Variants in MMP26 observed in about 807,000 individuals in gnomAD.
The protein encoded by MMP26 is matrix metalloproteinase-26.
Under a neutral mutation model 31.0 loss-of-function variants are expected in MMP26, and 33 were observed. That is an observed-to-expected ratio of 1.06 (90% CI 0.81 to 1.42). MMP26 has a LOEUF of 1.42. MMP26 is among the 40% of genes most tolerant of loss of function. MMP26 has a pLI of 0.00. For missense variants in MMP26, 347 were observed against 316.1 expected (o/e 1.10, Z -0.74); for synonymous variants, 122 against 114.9 (o/e 1.06, Z -0.40).
chr11:4,944,090 A>T (rs1846257873), intron 2 of MMP26: 1 of 453,686 alleles, frequency 2.2e-6, no homozygotes, highest in African/African-American at 2.0e-5. Flanking sequence ...ACAACCCCAA[A>T]CCCATATCTG....
chr11:4,755,370 A>G (rs748646505), intron 1 of MMP26, among the ~76,000 whole-genome samples: 2 of 152,006 alleles, frequency 1.3e-5, no homozygotes, highest in African/African-American at 4.8e-5. Context: ...TCAAAATATC[A>G]GCCCACATTG....
At chr11:4,897,078 C>T (rs916034901) in intron 2 of MMP26, among the ~76,000 whole-genome samples, 5 of 151,772 alleles carry the variant, frequency 3.3e-5, no homozygotes, top group Admixed American at 3.3e-4. Flanking sequence ...ATGACCTATC[C>T]TTATATTTAA....
At chr11:4,872,769 C>T (rs1436610498) in intron 2 of MMP26, among the ~76,000 whole-genome samples, 2 of 152,036 alleles carry the variant, frequency 1.3e-5, no homozygotes, top group African/African-American at 4.8e-5. Context: ...GCCACTCCTT[C>T]TCCACCTTGA....
chr11:4,747,845 GA>G (rs780409684), intron 1 of MMP26, among the ~76,000 whole-genome samples: 4 of 151,856 alleles, frequency 2.6e-5, no homozygotes, highest in Admixed American at 6.6e-5. Flanking sequence ...TGCATCAAAA[GA>G]ATAGAAAGAT....
chr11:4,756,803 G>C (rs1213777619), intron 1 of MMP26: 1 of 145,946 alleles, frequency 6.9e-6, no homozygotes, highest in Admixed American at 6.8e-5. Flanking sequence ...CAAGTATAAT[G>C]TTAAAAAAAT....
chr11:4,819,496 A>C (rs981098214), intron 2 of MMP26, among the ~76,000 whole-genome samples: 6 of 151,326 alleles, frequency 4.0e-5, no homozygotes, highest in African/African-American at 1.5e-4. Context: ...GAGGGAGAGA[A>C]AATTTCCAGA....
chr11:4,910,353 T>C (rs189761743), intron 2 of MMP26, among the ~76,000 whole-genome samples: 52 of 152,260 alleles, frequency 3.4e-4, no homozygotes, highest in Non-Finnish European at 5.7e-4. Flanking sequence ...TCTTGGATAT[T>C]CTGCCTATGT....
At chr11:4,920,156 T>C (rs1434912028) in intron 2 of MMP26, among the ~76,000 whole-genome samples, 1 of 152,172 alleles carries the variant, frequency 6.6e-6, no homozygotes, top group Non-Finnish European at 1.5e-5. Flanking sequence ...TAGATTTCTG[T>C]CTTTATGGGA....
At chr11:4,728,307 A>G (rs953937150) in intron 1 of MMP26, among the ~76,000 whole-genome samples, 3 of 152,236 alleles carry the variant, frequency 2.0e-5, no homozygotes, top group Admixed American at 6.5e-5. Context: ...CATGATTTCC[A>G]TAGCTTTCCA....
intron 1 of MMP26, among the ~76,000 whole-genome samples, chr11:4,757,330 T>A (rs143552916): frequency 1.3e-3 from 200 of 152,022 alleles, no homozygotes; most frequent in Middle Eastern, 0.01. Context: ...AAAAACTAGC[T>A]CAAAATGGAT....
At chr11:4,726,042 C>G (rs1252219913) in intron 1 of MMP26, among the ~76,000 whole-genome samples, 1 of 152,118 alleles carries the variant, frequency 6.6e-6, no homozygotes, top group African/African-American at 2.4e-5. Context: ...AGCACATTCA[C>G]CAGACCAAAA....
chr11:4,973,450 T>C lies in MMP26; in HGVS notation c.-144-14618T>C, dbSNP rs142484036. 12 of 152,510 alleles carry C rather than the reference T, an allele frequency of 7.9e-5. No individual in the cohort carries two copies. The East Asian group carries it at 2.1e-3, about 27-fold the overall frequency. The allele number at this position is 152,510 out of a possible 1,614,324, so 9.4% of individuals were successfully genotyped here. A position where few individuals can be genotyped will look rare whatever the true frequency, so the allele number is the denominator to read the frequency against. On this transcript the variant is annotated intron_variant, in intron 2 of 7. Coordinates refer to ENST00000380390, the MANE Select transcript of MMP26 (RefSeq NM_021801.5). ...TTTTGAGAGAAAAAGCAAGCCCAAT[T>C]TGAATGACTCTGGCACTGGTGAGGA...
At chr11:4,916,083 C>T (rs1851086161) in intron 2 of MMP26, among the ~76,000 whole-genome samples, 1 of 151,878 alleles carries the variant, frequency 6.6e-6, no homozygotes, top group Admixed American at 6.6e-5. Flanking sequence ...CTTTGGGAGG[C>T]CGAGGCGGGC....
At chr11:4,871,860 A>G (rs1400134453) in intron 2 of MMP26, 1 of 152,138 alleles carries the variant, frequency 6.6e-6, no homozygotes, top group Non-Finnish European at 1.5e-5. Flanking sequence ...AATGAGTGGT[A>G]GAGGTGGAGG....
intron 1 of MMP26, among the ~76,000 whole-genome samples, chr11:4,763,858 G>A (rs556499255): frequency 2.6e-5 from 4 of 152,048 alleles, no homozygotes; most frequent in African/African-American, 4.8e-5. Flanking sequence ...AAGTTTAATA[G>A]TATGTAGCAC....
chr11:4,899,356 G>A (rs751593285), intron 2 of MMP26, among the ~76,000 whole-genome samples: 16 of 152,230 alleles, frequency 1.1e-4, no homozygotes, highest in Middle Eastern at 3.4e-3. Context: ...GTTTGTGAAC[G>A]AACTACAACA....
At position 4,862,345 on chromosome 11, in the gene MMP26, TA is replaced by T. The variant is rs553500404; in HGVS notation, c.-145+95006del. Reference sequence around the variant, plus strand: ...GGTTCATCACCTCATTGAGCATATGTAAGGCATTTATTAATTTTTCCCTATT... The same window carrying T: ...GGTTCATCACCTCATTGAGCATATGTAGGCATTTATTAATTTTTCCCTATT... On this transcript the variant is annotated intron_variant, in intron 2 of 7. Transcript: ENST00000380390. Among the ~76,000 whole-genome samples, 77 of 152,286 alleles carry T rather than the reference TA, an allele frequency of 5.1e-4. 1 individual carries two copies. Among genetic ancestry groups the T allele is most frequent in the South Asian group, 2.7e-3 (13 of 4,826 alleles).
intron 2 of MMP26, among the ~76,000 whole-genome samples, chr11:4,897,290 C>T (rs560851221): frequency 6.6e-5 from 10 of 152,194 alleles, no homozygotes; most frequent in Admixed American, 2.6e-4. Flanking sequence ...CAGACACATG[C>T]CACCACGCCC....
At chr11:4,955,061 G>A (rs55889636) in intron 2 of MMP26, 623,674 of 1,429,912 alleles carry the variant, frequency 0.44, 214,283 homozygotes, top group Middle Eastern at 0.55. Flanking sequence ...CAGGGTGTAA[G>A]ACACAGCAAT....
Sources: gnomAD v4.1 joint callset for allele counts (sites outside exome capture counted in the v4.1 genomes callset) on GRCh38, gnomAD v4.1.1 for gene constraint, MANE v1.5 for transcripts, NCBI Gene and HGNC (gene_info 2026-07-23, HGNC 2026-07-21) for gene names.